Variants in SI observed in about 807,000 individuals in gnomAD.
SI encodes sucrase-isomaltase, also known as sucrase-isomaltase, intestinal.
Under a neutral mutation model 253.3 loss-of-function variants are expected in SI, and 235 were observed. The ratio of observed to expected loss-of-function variants is 0.93; its 90% CI spans 0.83 to 1.03. The LOEUF (loss-of-function observed/expected upper bound fraction) is 1.03. Among genes scored for constraint, SI ranks in the 50% least tolerant of loss-of-function variants. The pLI is 0.00. For missense variants in SI, 2,442 were observed against 2,211.1 expected (o/e 1.10, Z -2.09); for synonymous variants, 819 against 712.0 (o/e 1.15, Z -2.39).
chr3:165,088,250 G>A, the SI span, among the ~76,000 whole-genome samples: 229 of 152,238 alleles, frequency 1.5e-3, no homozygotes, highest in African/African-American at 5.2e-3. Flanking sequence ...GGAAGCTGAG[G>A]CAGAAGAATC....
At chr3:165,029,852 T>C (rs948514692) in intron 25 of SI, among the ~76,000 whole-genome samples, 3 of 150,358 alleles carry the variant, frequency 2.0e-5, no homozygotes, top group Non-Finnish European at 4.5e-5. Flanking sequence ...AACTTCACTA[T>C]TTGACTTTTA....
At chr3:165,055,645 C>A (rs1490183855) in intron 12 of SI, among the ~76,000 whole-genome samples, 7 of 151,864 alleles carry the variant, frequency 4.6e-5, no homozygotes, top group Admixed American at 2.0e-4. Context: ...TATTTTATAT[C>A]CCATAAAATA....
intron 43 of SI, 131 bp from the exon 44 acceptor site, chr3:164,991,608 G>GA: frequency 1.0e-6 from 1 of 974,534 alleles, no homozygotes; most frequent in South Asian, 1.5e-5. Flanking sequence ...CATTTATTCA[G>GA]AAAATCTTAA....
the SI span, among the ~76,000 whole-genome samples, chr3:165,086,166 A>C: frequency 6.6e-6 from 1 of 152,082 alleles, no homozygotes; most frequent in Non-Finnish European, 1.5e-5. Flanking sequence ...AGGCAGGAGA[A>C]TTGCTTGAAC....
the SI span, among the ~76,000 whole-genome samples, chr3:165,085,851 C>T: frequency 6.6e-6 from 1 of 152,106 alleles, no homozygotes; most frequent in African/African-American, 2.4e-5. Flanking sequence ...ACAATACTAG[C>T]ATTGTAATTA....
chr3:164,991,295 C>T, intron 44 of SI, 58 bp downstream of exon 44: 2 of 1,596,316 alleles, frequency 1.3e-6, no homozygotes, highest in Admixed American at 1.7e-5. Flanking sequence ...TATTTCTTAA[C>T]AATGCTAGCA....
intron 9 of SI, among the ~76,000 whole-genome samples, chr3:165,061,168 T>C (rs946055128): frequency 5.3e-5 from 8 of 151,836 alleles, no homozygotes; most frequent in African/African-American, 1.9e-4. Context: ...TTGACATAAA[T>C]TTTTTCTCAT....
chr3:165,016,642 A>G (rs1719045284), intron 31 of SI, among the ~76,000 whole-genome samples: 1 of 151,990 alleles, frequency 6.6e-6, no homozygotes, highest in African/African-American at 2.4e-5. Flanking sequence ...GTTTTAAGAT[A>G]GGTAATTGCA....
Position 165,069,210 on chromosome 3 carries a change from T to C in SI, c.256-15A>G. The C allele has an allele frequency of 6.7e-7, 1 of 1,491,378 alleles. No homozygotes were observed. Among genetic ancestry groups the C allele is most frequent in the Non-Finnish European group, 9.4e-7 (1 of 1,069,252 alleles). The allele number at this position is 1,491,378 out of a possible 1,614,324, so 92.4% of individuals were successfully genotyped here. A position where few individuals can be genotyped will look rare whatever the true frequency, so the allele number is the denominator to read the frequency against. ...GCACAAATTCCCTGATAAAATATTT[T>C]TAAAGGAATTATATAATTACTACTA... On this transcript the variant is annotated splice_polypyrimidine_tract_variant and intron_variant, in intron 3 of 47. Coordinates refer to ENST00000264382, the MANE Select transcript of SI (RefSeq NM_001041.4).
Position 164,988,741 on chromosome 3 carries a change from G to A in SI, c.5109-1515C>T, listed in dbSNP as rs75628386. 6.4e-4 allele frequency among the ~76,000 whole-genome samples: 97 copies of A among 152,216 alleles called. 1 individual carries two copies. In the East Asian group the frequency reaches 0.012, roughly 19 times the overall value. On this transcript the variant is annotated intron_variant, in intron 44 of 47. Transcript: ENST00000264382. ...CTCTAGAATTTGAATGTCAAAGCAA[G>A]GAATTTTGCAATGGAAATAAAGACT...
Position 164,992,048 on chromosome 3 carries a change from C to A in SI, c.4983+129G>T, listed in dbSNP as rs1717757364. On this transcript the variant is annotated intron_variant, in intron 43 of 47. Coordinates refer to ENST00000264382, the MANE Select transcript of SI (RefSeq NM_001041.4). The stretch of plus-strand genomic sequence containing the variant: ...ATTAATTCAATTCAGCTATAATTTA[C>A]CGGAAATATGTTACTTTCCACTCTT... 3 of 803,568 alleles carry A rather than the reference C, an allele frequency of 3.7e-6. No individual in the cohort carries two copies. The South Asian group carries it at 4.3e-5, about 11-fold the overall frequency. The allele number at this position is 803,568 out of a possible 1,614,324, so 49.8% of individuals were successfully genotyped here.
At chr3:165,082,341 G>T (rs1715364265), upstream of SI, among the ~76,000 whole-genome samples, 1 of 151,764 alleles carries the variant, frequency 6.6e-6, no homozygotes, top group African/African-American at 2.4e-5. Context: ...TTACATTATT[G>T]TAATTGTTTC....
At chr3:165,085,296 G>T in the SI span, among the ~76,000 whole-genome samples, 1 of 152,134 alleles carries the variant, frequency 6.6e-6, no homozygotes, top group Non-Finnish European at 1.5e-5. Context: ...ATCAATTCAA[G>T]TATAAATTTT....
At chr3:164,991,972 A>G (rs892453762) in intron 43 of SI, among the ~76,000 whole-genome samples, 1 of 152,146 alleles carries the variant, frequency 6.6e-6, no homozygotes, top group Non-Finnish European at 1.5e-5. Flanking sequence ...AAATAAATCA[A>G]TGACTACATA....
intron 45 of SI, among the ~76,000 whole-genome samples, chr3:164,983,575 G>C (rs1236746482): frequency 2.6e-5 from 4 of 151,942 alleles, no homozygotes; most frequent in African/African-American, 9.7e-5. Context: ...CCTCTTTAAG[G>C]TATAATCATT....
chr3:165,058,855 G>GGCAT, intron 12 of SI, 108 bp downstream of exon 12: 1 of 192,612 alleles, frequency 5.2e-6, no homozygotes, highest in Non-Finnish European at 8.5e-6. Context: ...CTTGAAAGCA[G>GGCAT]ACATACACAC....
At chr3:165,009,782 A>T (rs73877379) in intron 34 of SI, among the ~76,000 whole-genome samples, 9,027 of 152,146 alleles carry the variant, frequency 0.059, 879 homozygotes, top group African/African-American at 0.21. Context: ...GCCTGTTTTT[A>T]TATAGCTTTC....
rs77108105 is a variant in SI at position 165,057,952 on chromosome 3, C to G, written c.1398+1011G>C. 3.9e-3 allele frequency among the ~76,000 whole-genome samples: 595 copies of G among 152,026 alleles called. 3 individuals carry two copies. Among genetic ancestry groups the G allele is most frequent in the African/African-American group, 0.014 (561 of 41,524 alleles). On this transcript the variant is annotated intron_variant, in intron 12 of 47. Coordinates refer to ENST00000264382, the MANE Select transcript of SI (RefSeq NM_001041.4). ...ACTAAGTGGACCTGATAGATTTTTACAGAATATTGTATCCTATGGCTACAG... is the reference window on the plus strand; with the variant it reads ...ACTAAGTGGACCTGATAGATTTTTAGAGAATATTGTATCCTATGGCTACAG...
At chr3:165,007,788 T>C (rs1383979793) in intron 36 of SI, 123 bp downstream of exon 36, 1 of 288,922 alleles carries the variant, frequency 3.5e-6, no homozygotes, top group Non-Finnish European at 6.3e-6. Flanking sequence ...TTTTTATATA[T>C]ACATATATAT....
Sources: allele counts gnomAD v4.1 joint callset (sites outside exome capture counted in the v4.1 genomes callset), GRCh38; gene constraint gnomAD v4.1.1; transcripts MANE v1.5; gene names NCBI Gene and HGNC (gene_info 2026-07-23, HGNC 2026-07-21).